Variants in HAS2 observed in about 807,000 individuals in gnomAD.
The protein encoded by HAS2 is HA synthase 2.
In HAS2, 16 loss-of-function variants were observed where a neutral mutation model predicts 51.6. That is an observed-to-expected ratio of 0.31 (90% CI 0.21 to 0.47). HAS2 has a LOEUF of 0.47. HAS2 is among the 20% of genes least tolerant of loss of function. The pLI is 1.00. For missense variants in HAS2, 361 were observed against 662.6 expected (o/e 0.54, Z 5.00); for synonymous variants, 228 against 235.5 (o/e 0.97, Z 0.29).
intron 2 of HAS2, among the ~76,000 whole-genome samples, chr8:121,626,216 C>T (rs1812849988): frequency 6.6e-6 from 1 of 152,256 alleles, no homozygotes; most frequent in Admixed American, 6.5e-5. Context: ...AGAATTAGTA[C>T]TTTTGACTTT....
intron 2 of HAS2, among the ~76,000 whole-genome samples, chr8:121,619,196 C>T (rs1480124529): frequency 6.6e-6 from 1 of 151,966 alleles, no homozygotes; most frequent in Non-Finnish European, 1.5e-5. Flanking sequence ...GGCAACACAA[C>T]AAGACCCCAT....
chr8:121,615,134 T>C, intron 3 of HAS2, 96 bp from the exon 4 acceptor site: 7 of 787,648 alleles, frequency 8.9e-6, no homozygotes, highest in Non-Finnish European at 1.4e-5. Flanking sequence ...GTAATATTTG[T>C]TATTTTATCC....
intron 2 of HAS2, among the ~76,000 whole-genome samples, chr8:121,619,808 C>T (rs1458328105): frequency 6.6e-6 from 1 of 152,166 alleles, no homozygotes; most frequent in Non-Finnish European, 1.5e-5. Flanking sequence ...TTTATTACCA[C>T]ACCCACCTCT....
chr8:121,616,244 A>G (rs1012480050), intron 3 of HAS2, among the ~76,000 whole-genome samples: 3 of 152,120 alleles, frequency 2.0e-5, no homozygotes, highest in Non-Finnish European at 2.9e-5. Flanking sequence ...CAAATGATGG[A>G]CAATATTGGA....
rs565776579 is a variant in HAS2, at chr8:121,640,923, G to A, written c.-71C>T. On this transcript the variant is annotated 5_prime_UTR_variant, in exon 1 of 4. Transcript: ENST00000303924. ...GGTCCCGGAGGGTCGGTGGCGGGCA[G>A]TTTCCAAAATTGAGGTAATAAGAGA... 6.6e-6 allele frequency: 1 copy of A among 151,908 alleles called. No individual in the cohort carries two copies. The highest frequency in any genetic ancestry group is 1.9e-4 in the East Asian group (1 of 5,162). The allele number at this position is 151,908 out of a possible 1,614,324, so 9.4% of individuals were successfully genotyped here. A position where few individuals can be genotyped will look rare whatever the true frequency, so the allele number is the denominator to read the frequency against.
chr8:121,624,959 G>A (rs1323405136), intron 2 of HAS2, among the ~76,000 whole-genome samples: 9 of 152,030 alleles, frequency 5.9e-5, no homozygotes, highest in Admixed American at 5.9e-4. Flanking sequence ...TTAGCCAGGC[G>A]TGGTAGCGGG....
intron 1 of HAS2, among the ~76,000 whole-genome samples, chr8:121,634,107 T>C (rs1812974161): frequency 6.6e-6 from 1 of 151,960 alleles, no homozygotes. Flanking sequence ...GCGGGGTTTC[T>C]CCATGTTGGT....
intron 1 of HAS2, among the ~76,000 whole-genome samples, chr8:121,637,939 G>C (rs1391846519): frequency 6.6e-6 from 1 of 152,092 alleles, no homozygotes; most frequent in Non-Finnish European, 1.5e-5. Context: ...TTAACTCAGG[G>C]ATCACACTTC....
In HAS2 at chr8:121,628,910, G is replaced by A. The variant is rs1812891442; in HGVS notation, c.431C>T (p.Ala144Val). 1.2e-6 allele frequency: 2 copies of A among 1,613,820 alleles called. No individual in the cohort carries two copies. Among genetic ancestry groups the A allele is most frequent in the Admixed American group, 3.3e-5 (2 of 59,996 alleles). ...FSEVMGRDKS[A>V]TYIWKNNFHE... ...GAAGTTGTTCTTCCAGATATAAGTG[G>A]CTGATTTGTCTCTGCCCATGACTTC... is the stretch of plus-strand genomic sequence containing the variant. Residue 144 changes from alanine (A) to valine (V), a missense_variant, in exon 2 of 4, where the codon GCC becomes GTC. Transcript: ENST00000303924.
At position 121,628,857 on chromosome 8, in the gene HAS2, C is replaced by T. The variant is rs1399314685; in HGVS notation, c.484G>A (p.Glu162Lys). 1 of 1,614,146 alleles carries T rather than the reference C, an allele frequency of 6.2e-7. No homozygotes were observed. The highest frequency in any genetic ancestry group is 8.5e-7 in the Non-Finnish European group (1 of 1,180,002). Reference sequence around the variant, plus strand: ...TGTTGCGAGCTTTCTTTATGTGACTCATCTGTCTCACCGGGACCCTTTTCG... The same window carrying T: ...TGTTGCGAGCTTTCTTTATGTGACTTATCTGTCTCACCGGGACCCTTTTCG... ...FHEKGPGETD[E>K]SHKESSQHVT... Residue 162 changes from glutamate (E) to lysine (K), a missense_variant, in exon 2 of 4, where the codon GAG becomes AAG. Glu to Lys is a moderately conservative substitution (Grantham distance 56). This residue lies in a region of HAS2 where 145 missense variants were observed against 217.6 expected (regional missense o/e 0.67). Coordinates refer to ENST00000303924, the MANE Select transcript of HAS2 (RefSeq NM_005328.3).
intron 1 of HAS2, among the ~76,000 whole-genome samples, chr8:121,633,433 C>T (rs932611607): frequency 6.6e-6 from 1 of 152,066 alleles, no homozygotes; most frequent in African/African-American, 2.4e-5. Flanking sequence ...CATGAGCCAC[C>T]ACACCCAGCC....
chr8:121,626,684 T>C (rs952350280), intron 2 of HAS2, among the ~76,000 whole-genome samples: 4 of 152,202 alleles, frequency 2.6e-5, no homozygotes, highest in Non-Finnish European at 5.9e-5. Flanking sequence ...GAGTGGTTAG[T>C]ATTGTGAATT....
At chr8:121,637,350 G>A (rs1813023843) in intron 1 of HAS2, among the ~76,000 whole-genome samples, 1 of 148,294 alleles carries the variant, frequency 6.7e-6, no homozygotes, top group Non-Finnish European at 1.5e-5. Flanking sequence ...GGGAAAGGCA[G>A]TATATATATG....
chr8:121,630,199 T>C (rs1812912040), intron 1 of HAS2, among the ~76,000 whole-genome samples: 1 of 152,136 alleles, frequency 6.6e-6, no homozygotes, highest in Non-Finnish European at 1.5e-5. Flanking sequence ...AATAAATGTT[T>C]GTAGAAATAG....
chr8:121,639,006 T>A (rs4418347), intron 1 of HAS2, among the ~76,000 whole-genome samples: 89,540 of 151,812 alleles, frequency 0.59, 27,947 homozygotes, highest in East Asian at 0.86. Flanking sequence ...TAACCTTTTT[T>A]AAAAATAATA....
intron 2 of HAS2, among the ~76,000 whole-genome samples, chr8:121,622,581 G>A (rs979206151): frequency 1.4e-4 from 21 of 151,720 alleles, no homozygotes; most frequent in African/African-American, 4.6e-4. Flanking sequence ...ATACTAAAAA[G>A]TGGGCCACAA....
At chr8:121,639,722 C>G (rs985635486) in intron 1 of HAS2, 1 of 152,400 alleles carries the variant, frequency 6.6e-6, no homozygotes, top group Non-Finnish European at 1.5e-5. Context: ...CACCCTCATA[C>G]AGACCCTCCT....
chr8:121,614,002 AG>A lies in HAS2; in HGVS notation c.*106del, dbSNP rs759601848. The A allele has an allele frequency of 2.6e-5, 41 of 1,567,524 alleles. No individual in the cohort carries two copies. Among genetic ancestry groups the A allele is most frequent in the Non-Finnish European group, 3.5e-5 (40 of 1,147,896 alleles). On this transcript the variant is annotated 3_prime_UTR_variant, in exon 4 of 4. Coordinates refer to ENST00000303924, the MANE Select transcript of HAS2 (RefSeq NM_005328.3). This position sits in a 1 kb window ranked among gnomAD's most constrained non-coding sequence, Gnocchi z 7.2. ...TAAATGTCTTTGTTCAAGTCCCAGC[AG>A]CAGTGATATGTCTCCTTTGGTGGCA...
In HAS2 at chr8:121,614,448, T is replaced by C. The variant is rs781459670; in HGVS notation, c.1320A>G (p.Ser440=). 3.7e-6 allele frequency: 6 copies of C among 1,613,992 alleles called. No individual in the cohort carries two copies. The highest frequency in any genetic ancestry group is 1.3e-5 in the African/African-American group (1 of 75,034). The part of the protein sequence containing the change: ...NIVMVFMSLY[S]VLYMSSLLPA... ...GAAGTAAACTCGACATGTATAACAC[T>C]GAGTAGAGAGACATGAAGACCATGA... The change falls in exon 4 of 4, where the codon TCA becomes TCG. Residue 440 remains serine (S), a synonymous_variant. Transcript: ENST00000303924. This position sits in a 1 kb window ranked among gnomAD's most constrained non-coding sequence, Gnocchi z 7.2.
Sources: gnomAD v4.1 joint callset for allele counts (sites outside exome capture counted in the v4.1 genomes callset) on GRCh38, gnomAD v4.1.1 for gene constraint, gnomAD v4.1.1 regional missense constraint, Gnocchi (gnomAD v3.1) non-coding constraint, MANE v1.5 for transcripts, NCBI Gene and HGNC (gene_info 2026-07-23, HGNC 2026-07-21) for gene names.